Variants in DGKI observed in about 807,000 individuals in gnomAD.
DGKI encodes diacylglycerol kinase iota, also known as DAG kinase iota.
DGKI carries 55 observed loss-of-function variants against 147.5 expected under a neutral mutation model. The ratio of observed to expected loss-of-function variants is 0.37; its 90% CI spans 0.30 to 0.47. The LOEUF (loss-of-function observed/expected upper bound fraction) is 0.47, where lower values mean the gene tolerates loss of function less well. DGKI is among the 20% of genes least tolerant of loss of function. The pLI is 1.00. For missense variants in DGKI, 1,007 were observed against 1,323.8 expected, an observed-to-expected ratio of 0.76 and a Z score of 3.71; for synonymous variants, 469 against 477.1, an observed-to-expected ratio of 0.98 and a Z score of 0.22.
rs375305605 is a variant in DGKI at position 137,634,046 on chromosome 7, C to G, written c.805-10492G>C. Among the ~76,000 whole-genome samples, 29 of 152,340 alleles carry G rather than the reference C, an allele frequency of 1.9e-4. 1 individual carries two copies. In the South Asian group the frequency reaches 5.2e-3, roughly 27 times the overall value. On this transcript the variant is annotated intron_variant, in intron 6 of 32. Transcript: ENST00000614521. ...TCAGGGGTCCCCCATGTCAATGAAG[C>G]TTCTAGGGGTCAGTAGTCCAAGGTA...
Position 137,618,127 on chromosome 7 carries a change from C to CTATATATATATA in DGKI, c.993+1685_993+1696dup, listed in dbSNP as rs1164221520. 1.1e-3 allele frequency among the ~76,000 whole-genome samples: 18 copies of CTATATATATATA among 16,190 alleles called. 1 individual carries two copies. The highest frequency in any genetic ancestry group is 0.012 in the South Asian group (1 of 86). 10.6% of individuals were successfully genotyped at this position (16,190 alleles called of 152,430 possible). ...TTGCTACTTGTTTCTTTCTAAAATA[C>CTATATATATATA]TATATATATATATATATATATATAT... On this transcript the variant is annotated intron_variant, in intron 8 of 32. Coordinates refer to ENST00000614521, the MANE Select transcript of DGKI (RefSeq NM_001321708.2).
chr7:137,757,470 T>C (rs988737856), intron 1 of DGKI, among the ~76,000 whole-genome samples: 4 of 152,204 alleles, frequency 2.6e-5, no homozygotes, highest in Admixed American at 2.6e-4. Flanking sequence ...TTCCTCTCCA[T>C]GTGATTTCCC....
At chr7:137,424,786 C>T (rs1313683576) in intron 28 of DGKI, among the ~76,000 whole-genome samples, 2 of 152,224 alleles carry the variant, frequency 1.3e-5, no homozygotes, top group Non-Finnish European at 2.9e-5. Context: ...TCGCTGATTG[C>T]TAGCACAGCA....
intron 28 of DGKI, among the ~76,000 whole-genome samples, chr7:137,436,280 T>C (rs572715671): frequency 3.0e-4 from 46 of 152,314 alleles, no homozygotes; most frequent in African/African-American, 1.1e-3. Context: ...AATATATCTT[T>C]GAATGTTTTT....
intron 15 of DGKI, 75 bp from the exon 16 acceptor site, chr7:137,578,400 C>T: frequency 1.0e-6 from 1 of 986,248 alleles, no homozygotes; most frequent in Non-Finnish European, 1.6e-6. Flanking sequence ...CTCCTACTTC[C>T]TCCCCAGCTC....
chr7:137,617,124 CAAAA>C (rs60654879), intron 8 of DGKI, among the ~76,000 whole-genome samples: 2,738 of 48,022 alleles, frequency 0.057, 60 homozygotes, highest in African/African-American at 0.14. Context: ...TCCCTTTTAC[CAAAA>C]AAAAAAAAAA....
At chr7:137,619,358 T>C (rs1445346754) in intron 8 of DGKI, among the ~76,000 whole-genome samples, 1 of 152,142 alleles carries the variant, frequency 6.6e-6, no homozygotes, top group Non-Finnish European at 1.5e-5. Context: ...AGCAGGCCTG[T>C]GTATTCAGGA....
intron 1 of DGKI, among the ~76,000 whole-genome samples, chr7:137,734,683 C>G (rs543087742): frequency 1.3e-5 from 2 of 151,980 alleles, no homozygotes; most frequent in Non-Finnish European, 2.9e-5. Flanking sequence ...GCCAGAGACC[C>G]TGAGCTCAGC....
At chr7:137,452,310 G>T (rs7793852) in intron 27 of DGKI, among the ~76,000 whole-genome samples, 12 of 152,072 alleles carry the variant, frequency 7.9e-5, no homozygotes, top group Non-Finnish European at 1.3e-4. Context: ...GACTATGGAT[G>T]GAGTAGAAGA....
chr7:137,579,481 T>C (rs1475442363), intron 15 of DGKI, among the ~76,000 whole-genome samples: 4 of 151,102 alleles, frequency 2.6e-5, no homozygotes, highest in African/African-American at 4.9e-5. Flanking sequence ...TGCTTAATTA[T>C]ATATTTCATA....
At chr7:137,776,218 G>T (rs766664748) in intron 1 of DGKI, among the ~76,000 whole-genome samples, 2 of 152,152 alleles carry the variant, frequency 1.3e-5, no homozygotes, top group Non-Finnish European at 2.9e-5. Flanking sequence ...TGAATCATTG[G>T]AATAGATTGA....
Position 137,524,710 on chromosome 7 carries a change from T to C in DGKI, c.2148-2744A>G, listed in dbSNP as rs558131132. ...AATGTAGTGGCCTATCAGACCCTAA[T>C]AGGAGAAGTTGAGGAGGGGCAGAGG... is the stretch of plus-strand genomic sequence containing the variant. On this transcript the variant is annotated intron_variant, in intron 20 of 32. Coordinates refer to ENST00000614521, the MANE Select transcript of DGKI (RefSeq NM_001321708.2). Among the ~76,000 whole-genome samples, 6 of 152,248 alleles carry C rather than the reference T, an allele frequency of 3.9e-5. No individual in the cohort carries two copies. In the East Asian group the frequency reaches 9.7e-4, roughly 25 times the overall value.
chr7:137,788,570 C>T (rs768344894), intron 1 of DGKI, among the ~76,000 whole-genome samples: 13 of 150,916 alleles, frequency 8.6e-5, no homozygotes, highest in Non-Finnish European at 1.6e-4. Flanking sequence ...GGACTCCTCG[C>T]CTGTATATCT....
intron 26 of DGKI, among the ~76,000 whole-genome samples, chr7:137,464,406 C>T (rs1814574419): frequency 6.6e-6 from 1 of 152,204 alleles, no homozygotes; most frequent in South Asian, 2.1e-4. Flanking sequence ...GACTCTAGCA[C>T]CTGCTGCTTC....
At chr7:137,449,191 A>G (rs1813849570) in intron 27 of DGKI, among the ~76,000 whole-genome samples, 1 of 152,202 alleles carries the variant, frequency 6.6e-6, no homozygotes, top group Admixed American at 6.5e-5. Flanking sequence ...AGCAATCTAG[A>G]GCAAAAGAAC....
At chr7:137,837,587 A>G (rs545868584) in intron 1 of DGKI, among the ~76,000 whole-genome samples, 20 of 152,332 alleles carry the variant, frequency 1.3e-4, no homozygotes, top group African/African-American at 4.8e-4. Context: ...TGGGGCGCTA[A>G]TGAATGGGAT....
chr7:137,650,071 C>G (rs1255255337), intron 5 of DGKI, among the ~76,000 whole-genome samples: 1 of 152,004 alleles, frequency 6.6e-6, no homozygotes, highest in Non-Finnish European at 1.5e-5. Flanking sequence ...AAATAAACAT[C>G]TGAATTAGTA....
intron 1 of DGKI, among the ~76,000 whole-genome samples, chr7:137,779,857 T>C (rs1356558236): frequency 2.0e-5 from 3 of 152,160 alleles, no homozygotes; most frequent in Non-Finnish European, 2.9e-5. Context: ...ATATTTGAAA[T>C]TTATCAGTAT....
Position 137,463,569 on chromosome 7 carries a change from C to G in DGKI, c.2655G>C (p.Leu885=). 1 of 1,614,172 alleles carries G rather than the reference C, an allele frequency of 6.2e-7. No individual in the cohort carries two copies. Among genetic ancestry groups the G allele is most frequent in the Non-Finnish European group, 8.5e-7 (1 of 1,180,018 alleles). Residue 885 remains leucine (L), a synonymous_variant, in exon 27 of 33, where the codon CTG becomes CTC. Coordinates refer to ENST00000614521, the MANE Select transcript of DGKI (RefSeq NM_001321708.2). ...WWNPALRKRM[L]SDSGLGMIAP... is the part of the protein sequence containing the mutation. The stretch of plus-strand genomic sequence containing the variant: ...CTATCATCCCCAGCCCACTGTCACT[C>G]AGCATGCGTTTCCGCAGGGCAGGAT...
Sources: gnomAD v4.1 joint callset for allele counts (sites outside exome capture counted in the v4.1 genomes callset) on GRCh38, gnomAD v4.1.1 for gene constraint, MANE v1.5 for transcripts, NCBI Gene and HGNC (gene_info 2026-07-23, HGNC 2026-07-21) for gene names.